The following CHCHD3 variants were observed in gnomAD, a reference collection of about 807,000 sequenced individuals.
CHCHD3 encodes the protein MICOS complex subunit MIC19.
A neutral mutation model predicts 38.2 loss-of-function variants in CHCHD3; 20 were observed. The ratio of observed to expected loss-of-function variants is 0.52; its 90% CI spans 0.37 to 0.76. The LOEUF is 0.76. CHCHD3 is among the 30% of genes least tolerant of loss of function. The pLI is 0.00. For missense variants in CHCHD3, 245 were observed against 279.2 expected (o/e 0.88, Z 0.87); for synonymous variants, 82 against 100.0 (o/e 0.82, Z 1.07).
intron 3 of CHCHD3, among the ~76,000 whole-genome samples, chr7:132,983,104 C>G (rs1240330893): frequency 6.6e-6 from 1 of 151,968 alleles, no homozygotes; most frequent in Non-Finnish European, 1.5e-5. Context: ...GGTGGATTAC[C>G]TGAGGTCAGG....
intron 4 of CHCHD3, chr7:132,973,283 G>A (rs961132690): frequency 3.2e-5 from 32 of 985,338 alleles, no homozygotes; most frequent in South Asian, 9.4e-5. Context: ...TTTTGCTCTC[G>A]TACCTTCCTC....
chr7:132,942,407 C>G (rs1810791734), intron 4 of CHCHD3, among the ~76,000 whole-genome samples: 1 of 152,106 alleles, frequency 6.6e-6, no homozygotes. Context: ...CCACACTGAG[C>G]ATGTATCCTA....
intron 2 of CHCHD3, among the ~76,000 whole-genome samples, chr7:133,025,508 CTT>C (rs985613400): frequency 5.3e-5 from 8 of 151,958 alleles, no homozygotes; most frequent in South Asian, 2.1e-4. Context: ...GTTTTTTTCT[CTT>C]TGTTTGTTTG....
chr7:132,896,883 A>T (rs1204261261), intron 4 of CHCHD3, among the ~76,000 whole-genome samples: 2 of 152,228 alleles, frequency 1.3e-5, no homozygotes, highest in African/African-American at 4.8e-5. Context: ...CTGAAAGAGG[A>T]AAAAGTGGTA....
At chr7:132,937,220 T>G (rs1166855942) in intron 4 of CHCHD3, among the ~76,000 whole-genome samples, 1 of 152,156 alleles carries the variant, frequency 6.6e-6, no homozygotes, top group Non-Finnish European at 1.5e-5. Context: ...ATGAGAGGTT[T>G]AAAGAAAAAA....
intron 1 of CHCHD3, among the ~76,000 whole-genome samples, chr7:133,079,224 G>T (rs1815098775): frequency 6.6e-6 from 1 of 152,168 alleles, no homozygotes; most frequent in African/African-American, 2.4e-5. Flanking sequence ...CTTTTGAACA[G>T]CTCTAATAAC....
chr7:132,808,691 A>C (rs1439114257), intron 6 of CHCHD3, among the ~76,000 whole-genome samples: 1 of 151,642 alleles, frequency 6.6e-6, no homozygotes, highest in Non-Finnish European at 1.5e-5. Flanking sequence ...TTGTTAGCTC[A>C]TCATCATACA....
chr7:132,892,189 C>T (rs759709), intron 4 of CHCHD3, among the ~76,000 whole-genome samples: 77,528 of 152,020 alleles, frequency 0.51, 20,480 homozygotes, highest in African/African-American at 0.63. Flanking sequence ...ATGGGAAAGT[C>T]TGGAACTTCT....
intron 4 of CHCHD3, among the ~76,000 whole-genome samples, chr7:132,918,596 T>A (rs1481826626): frequency 2.0e-5 from 3 of 152,234 alleles, no homozygotes; most frequent in African/African-American, 7.2e-5. Context: ...CTCTGCAGAT[T>A]ATCTACATTT....
intron 4 of CHCHD3, among the ~76,000 whole-genome samples, chr7:132,894,840 C>G (rs764085356): frequency 6.6e-6 from 1 of 152,186 alleles, no homozygotes. Context: ...TATGTATGTA[C>G]ATTATTATGT....
intron 2 of CHCHD3, among the ~76,000 whole-genome samples, chr7:133,050,340 TAAAAAAAAAAAA>T (rs35635002): frequency 0.024 from 771 of 31,870 alleles, 17 homozygotes; most frequent in African/African-American, 0.067. Context: ...GGCTGTGTCT[TAAAAAAAAAAAA>T]AAAAAAAAAA....
At chr7:133,012,590 C>T (rs191601241) in intron 3 of CHCHD3, among the ~76,000 whole-genome samples, 7 of 151,712 alleles carry the variant, frequency 4.6e-5, no homozygotes, top group African/African-American at 1.7e-4. Context: ...AAGGTGAATC[C>T]CTGCCTCTAA....
chr7:132,826,123 CAG>C (rs1807502672), intron 6 of CHCHD3, among the ~76,000 whole-genome samples: 1 of 152,202 alleles, frequency 6.6e-6, no homozygotes, highest in African/African-American at 2.4e-5. Context: ...CGGTGGACTT[CAG>C]AGTCTGCATA....
chr7:132,893,145 T>A (rs1267126086), intron 4 of CHCHD3, among the ~76,000 whole-genome samples: 2 of 152,120 alleles, frequency 1.3e-5, no homozygotes, highest in South Asian at 2.1e-4. Context: ...GAGAGCAGCA[T>A]GGGGGCAGTA....
At chr7:132,921,346 C>T (rs746695783) in intron 4 of CHCHD3, among the ~76,000 whole-genome samples, 13 of 152,192 alleles carry the variant, frequency 8.5e-5, no homozygotes, top group Admixed American at 2.0e-4. Context: ...CACTACTTTC[C>T]TCCAGGCTCT....
intron 3 of CHCHD3, among the ~76,000 whole-genome samples, chr7:132,999,897 A>C (rs571663723): frequency 6.7e-4 from 102 of 152,304 alleles, no homozygotes; most frequent in African/African-American, 2.4e-3. Flanking sequence ...GTATTTATTG[A>C]GCATTTATTA....
intron 3 of CHCHD3, among the ~76,000 whole-genome samples, chr7:132,975,678 C>G (rs1811746060): frequency 6.6e-6 from 1 of 152,144 alleles, no homozygotes. Context: ...CACCTGTAAT[C>G]CCAGCACTTT....
intron 5 of CHCHD3, among the ~76,000 whole-genome samples, chr7:132,862,012 A>G (rs752108031): frequency 1.3e-5 from 2 of 152,258 alleles, no homozygotes; most frequent in Non-Finnish European, 2.9e-5. Flanking sequence ...ACTGTACCTT[A>G]AGAAAAAGGA....
At chr7:132,973,835 A>C in intron 4 of CHCHD3, 1 of 1,118,132 alleles carries the variant, frequency 8.9e-7, no homozygotes, top group Non-Finnish European at 1.1e-6. Context: ...GTGAACTAGG[A>C]AAATCCCCCT....
Sources: gnomAD v4.1 joint callset for allele counts (sites outside exome capture counted in the v4.1 genomes callset) on GRCh38, gnomAD v4.1.1 for gene constraint, MANE v1.5 for transcripts, NCBI Gene and HGNC (gene_info 2026-07-23, HGNC 2026-07-21) for gene names.